Variants in GALNT17 observed in about 807,000 individuals in gnomAD.
GALNT17 encodes the protein UDP-GalNAc:polypeptide N-acetylgalactosaminyltransferase-like 3.
GALNT17 carries 29 observed loss-of-function variants against 63.7 expected under a neutral mutation model. The observed-to-expected ratio is 0.46, with a 90% CI of 0.34 to 0.62. GALNT17 has a LOEUF of 0.62. GALNT17 is among the 20% of genes least tolerant of loss of function. The pLI is 0.01. For synonymous variants in GALNT17, 305 were observed against 318.3 expected (o/e 0.96, Z 0.45); for missense variants, 603 against 799.6 (o/e 0.75, Z 2.97).
intron 6 of GALNT17, among the ~76,000 whole-genome samples, chr7:71,641,543 A>G (rs1368114847): frequency 1.3e-5 from 2 of 152,078 alleles, no homozygotes; most frequent in African/African-American, 4.8e-5. Context: ...GCCGTCTTGC[A>G]ATGTCCTCAC....
chr7:71,664,372 G>A (rs937879813), intron 6 of GALNT17, among the ~76,000 whole-genome samples: 24 of 152,304 alleles, frequency 1.6e-4, no homozygotes, highest in African/African-American at 5.8e-4. Flanking sequence ...CACTTTGGGA[G>A]GCCAAGGTGG....
chr7:71,314,294 G>C (rs2115960332), intron 1 of GALNT17, among the ~76,000 whole-genome samples: 1 of 152,160 alleles, frequency 6.6e-6, no homozygotes, highest in South Asian at 2.1e-4. Flanking sequence ...ACACAAAACT[G>C]CTTCTAATTT....
At chr7:71,201,918 C>A (rs1789181355) in intron 1 of GALNT17, among the ~76,000 whole-genome samples, 1 of 152,208 alleles carries the variant, frequency 6.6e-6, no homozygotes, top group Admixed American at 6.5e-5. Flanking sequence ...CAGGCGTGAG[C>A]CACTGCGCCT....
chr7:71,218,082 G>C (rs1015163984), intron 1 of GALNT17, among the ~76,000 whole-genome samples: 11 of 152,066 alleles, frequency 7.2e-5, no homozygotes, highest in Non-Finnish European at 1.6e-4. Context: ...TAAAATAAAT[G>C]TATAAGTTTT....
intron 1 of GALNT17, among the ~76,000 whole-genome samples, chr7:71,193,800 A>C (rs1788996964): frequency 6.6e-6 from 1 of 152,200 alleles, no homozygotes; most frequent in African/African-American, 2.4e-5. Flanking sequence ...AAAAGGAAAG[A>C]ATGAAAGCTG....
intron 4 of GALNT17, 40 bp from the exon 5 acceptor site, chr7:71,420,868 G>A: frequency 1.9e-6 from 3 of 1,604,294 alleles, no homozygotes; most frequent in Non-Finnish European, 2.6e-6. Flanking sequence ...TGCCTCACGG[G>A]AGAGAAGAGA....
intron 5 of GALNT17, among the ~76,000 whole-genome samples, chr7:71,543,744 T>C (rs1472898232): frequency 6.6e-6 from 1 of 152,002 alleles, no homozygotes; most frequent in Admixed American, 6.6e-5. Flanking sequence ...ACTCAAGAAT[T>C]TCTGAGAGTT....
intron 1 of GALNT17, among the ~76,000 whole-genome samples, chr7:71,224,897 C>G (rs894889700): frequency 1.3e-5 from 2 of 152,132 alleles, no homozygotes; most frequent in African/African-American, 4.8e-5. Flanking sequence ...ACCCATGAAC[C>G]AAAATACTCT....
At chr7:71,550,339 CT>C (rs1209407437) in intron 5 of GALNT17, among the ~76,000 whole-genome samples, 1 of 151,804 alleles carries the variant, frequency 6.6e-6, no homozygotes, top group Non-Finnish European at 1.5e-5. Context: ...ATTACATGAG[CT>C]TTTTATTATA....
At chr7:71,565,182 G>A (rs540774230) in intron 5 of GALNT17, among the ~76,000 whole-genome samples, 49 of 152,076 alleles carry the variant, frequency 3.2e-4, no homozygotes, top group African/African-American at 1.1e-3. Context: ...CAGGAGAATC[G>A]CTTGAACCCA....
chr7:71,147,304 A>T (rs1404349581), intron 1 of GALNT17, among the ~76,000 whole-genome samples: 1 of 152,172 alleles, frequency 6.6e-6, no homozygotes, highest in Non-Finnish European at 1.5e-5. Flanking sequence ...CAAGTCCCCA[A>T]ACTGAAGAAC....
chr7:71,215,459 C>T (rs1402956055), intron 1 of GALNT17, among the ~76,000 whole-genome samples: 1 of 152,102 alleles, frequency 6.6e-6, no homozygotes, highest in Non-Finnish European at 1.5e-5. Flanking sequence ...AGATAATTTA[C>T]TGAATTTCTT....
chr7:71,666,685 A>G (rs910433235), intron 7 of GALNT17, among the ~76,000 whole-genome samples: 1 of 152,124 alleles, frequency 6.6e-6, no homozygotes, highest in Non-Finnish European at 1.5e-5. Flanking sequence ...ATACTCTCGA[A>G]TCTCATCCAG....
In GALNT17 at chr7:71,215,215, G is replaced by A. The variant is rs7803907; in HGVS notation, c.238+82175G>A. Among the ~76,000 whole-genome samples, 1,469 of 152,190 alleles carry A rather than the reference G, an allele frequency of 9.7e-3. 20 individuals carry two copies. Among genetic ancestry groups the A allele is most frequent in the African/African-American group, 0.033 (1,385 of 41,528 alleles). On this transcript the variant is annotated intron_variant, in intron 1 of 10. Coordinates refer to ENST00000333538, the MANE Select transcript of GALNT17 (RefSeq NM_022479.3). ...ATTTTGGTTACCAGAGTCCAGTTCC[G>A]GATTCATTCCCCTTGCTGGCTCCTA...
chr7:71,519,852 A>T (rs777303789), intron 5 of GALNT17, among the ~76,000 whole-genome samples: 2 of 152,196 alleles, frequency 1.3e-5, no homozygotes, highest in Non-Finnish European at 2.9e-5. Flanking sequence ...TGTTTTAATA[A>T]TTACGATCGT....
At chr7:71,417,198 A>G (rs887267062) in intron 4 of GALNT17, among the ~76,000 whole-genome samples, 1 of 152,222 alleles carries the variant, frequency 6.6e-6, no homozygotes, top group Non-Finnish European at 1.5e-5. Flanking sequence ...TGAAGAACCA[A>G]TATCCCATCA....
chr7:71,631,134 G>C (rs535705382), intron 6 of GALNT17, among the ~76,000 whole-genome samples: 1 of 152,258 alleles, frequency 6.6e-6, no homozygotes, highest in African/African-American at 2.4e-5. Flanking sequence ...TTTGCATTCT[G>C]TAGCCAGGGA....
intron 1 of GALNT17, among the ~76,000 whole-genome samples, chr7:71,237,511 GAAA>G (rs369921098): frequency 2.6e-5 from 2 of 78,126 alleles, no homozygotes; most frequent in African/African-American, 4.2e-5. Context: ...TCCCATCTCT[GAAA>G]AAAAAAAAAA....
intron 3 of GALNT17, 100 bp from the exon 4 acceptor site, chr7:71,415,789 G>A: frequency 6.1e-6 from 8 of 1,317,150 alleles, no homozygotes; most frequent in Non-Finnish European, 8.1e-6. Flanking sequence ...TTTTTTTTGA[G>A]ATCTTTGAAC....
Sources: gnomAD v4.1 joint callset for allele counts (sites outside exome capture counted in the v4.1 genomes callset) on GRCh38, gnomAD v4.1.1 for gene constraint, MANE v1.5 for transcripts, NCBI Gene and HGNC (gene_info 2026-07-23, HGNC 2026-07-21) for gene names.